SLC7A8: variants seen among roughly 807,000 people sequenced by gnomAD.
SLC7A8 encodes the protein solute carrier family 7 member 8.
Under a neutral mutation model 51.2 loss-of-function variants are expected in SLC7A8, and 30 were observed. The ratio of observed to expected loss-of-function variants is 0.59; its 90% CI spans 0.44 to 0.80. The LOEUF is 0.80. SLC7A8 is among the 30% of genes least tolerant of loss of function. The pLI, the probability that SLC7A8 is intolerant of heterozygous loss-of-function variation, is 0.00. For synonymous variants in SLC7A8, 257 were observed against 275.8 expected (o/e 0.93, Z 0.67); for missense variants, 612 against 674.4 (o/e 0.91, Z 1.03).
Position 23,165,334 on chromosome 14 carries a change from G to C in SLC7A8, c.459C>G (p.Thr153=), listed in dbSNP as rs2048943958. ...GAAGGCCAGACTCTGGGGGGAAGCA[G>C]GTGGGGAAGAGCGGCTGCAGCACGT... is the stretch of plus-strand genomic sequence containing the variant. ...SNYVLQPLFP[T]CFPPESGLRL... is the part of the protein sequence containing the mutation. Residue 153 remains threonine (T), a synonymous_variant, in exon 3 of 11, where the codon ACC becomes ACG. Transcript: ENST00000316902. The surrounding 1 kb of genome is among the most constrained non-coding windows in gnomAD (Gnocchi z 4.2). 1.2e-6 allele frequency: 2 copies of C among 1,606,696 alleles called. No homozygotes were observed. The highest frequency in any genetic ancestry group is 2.2e-5 in the South Asian group (2 of 90,168).
At chr14:23,155,378 C>T (rs1449547355) in intron 3 of SLC7A8, 17 of 1,495,754 alleles carry the variant, frequency 1.1e-5, no homozygotes, top group Non-Finnish European at 1.4e-5. Context: ...TCCTCCCTTC[C>T]TGGCTCTCTC....
chr14:23,179,633 C>T lies in SLC7A8; in HGVS notation c.151+3131G>A, dbSNP rs533394795. Among the ~76,000 whole-genome samples, 8 of 151,948 alleles carry T rather than the reference C, an allele frequency of 5.3e-5. No homozygotes were observed. The South Asian group carries it at 1.5e-3, about 28-fold the overall frequency. On this transcript the variant is annotated intron_variant, in intron 1 of 10. Coordinates refer to ENST00000316902, the MANE Select transcript of SLC7A8 (RefSeq NM_012244.4). ...GACCAGCCTGGGCGATACAGTGAGA[C>T]CCTGTTTCTACAAGAAAAAATTTAA...
chr14:23,175,381 G>A (rs893358637), intron 1 of SLC7A8, among the ~76,000 whole-genome samples: 10 of 152,262 alleles, frequency 6.6e-5, no homozygotes, highest in African/African-American at 2.4e-4. Context: ...GCTAATTTTT[G>A]TATTTTTAGT....
At chr14:23,149,616 G>C (rs949457008) in intron 3 of SLC7A8, among the ~76,000 whole-genome samples, 2 of 152,170 alleles carry the variant, frequency 1.3e-5, no homozygotes, top group African/African-American at 4.8e-5. Context: ...CTTCACATCA[G>C]AGGGGACAGA....
intron 2 of SLC7A8, 93 bp downstream of exon 2, chr14:23,166,243 A>C: frequency 2.2e-6 from 3 of 1,383,092 alleles, no homozygotes; most frequent in South Asian, 2.5e-5. Flanking sequence ...GGAGACTGGA[A>C]ACCCCTGGCC....
chr14:23,174,111 C>T (rs187667533), intron 1 of SLC7A8, among the ~76,000 whole-genome samples: 16 of 152,276 alleles, frequency 1.1e-4, no homozygotes, highest in Non-Finnish European at 1.6e-4. Context: ...TATGGCATGC[C>T]GATGCAAATC....
chr14:23,143,007 G>A (rs2048758974), intron 4 of SLC7A8, 72 bp downstream of exon 4: 2 of 1,570,560 alleles, frequency 1.3e-6, no homozygotes, highest in Non-Finnish European at 8.7e-7. Context: ...TACTTCCAAA[G>A]CTGGGCTGAG....
At chr14:23,156,915 C>G (rs1331571811) in intron 3 of SLC7A8, among the ~76,000 whole-genome samples, 2 of 152,204 alleles carry the variant, frequency 1.3e-5, no homozygotes, top group African/African-American at 2.4e-5. Context: ...CTATGGGAAT[C>G]AGGAAAGAGG....
chr14:23,151,397 C>T (rs377471648), intron 3 of SLC7A8, among the ~76,000 whole-genome samples: 4 of 152,216 alleles, frequency 2.6e-5, no homozygotes, highest in Non-Finnish European at 2.9e-5. Flanking sequence ...GCAAGTGCCC[C>T]GGATGCCAGA....
intron 3 of SLC7A8, among the ~76,000 whole-genome samples, chr14:23,158,048 G>GTA (rs2048903160): frequency 6.6e-6 from 1 of 152,212 alleles, no homozygotes; most frequent in Admixed American, 6.5e-5. Context: ...GGTGGGTGTA[G>GTA]TATAATATGT....
chr14:23,125,621 A>G lies in SLC7A8; in HGVS notation c.*1556T>C, dbSNP rs1192720038. The G allele has an allele frequency of 1.3e-5, 2 of 152,706 alleles. No homozygotes were observed. The highest frequency in any genetic ancestry group is 2.9e-5 in the Non-Finnish European group (2 of 68,096). 9.5% of individuals were successfully genotyped at this position (152,706 alleles called of 1,614,324 possible). A position where few individuals can be genotyped will look rare whatever the true frequency, so the allele number is the denominator to read the frequency against. ...CGGGCATCTACTCTGAAGGGGTCACAACTCAGACCAAACTTGGCATCTCAC... is the reference window on the plus strand; with the variant it reads ...CGGGCATCTACTCTGAAGGGGTCACGACTCAGACCAAACTTGGCATCTCAC... On this transcript the variant is annotated 3_prime_UTR_variant, in exon 11 of 11. Transcript: ENST00000316902.
chr14:23,179,938 C>T lies in SLC7A8; in HGVS notation c.151+2826G>A, dbSNP rs189171396. Among the ~76,000 whole-genome samples, 1,062 of 145,794 alleles carry T rather than the reference C, an allele frequency of 7.3e-3. 19 individuals are homozygous for T. Among genetic ancestry groups the T allele is most frequent in the Admixed American group, 0.038 (559 of 14,672 alleles). ...TTTTTTTTTTTGAGATGGAGTCTCA[C>T]TCTGTCACCCAGACTGGAGTGCAGT... On this transcript the variant is annotated intron_variant, in intron 1 of 10. Coordinates refer to ENST00000316902, the MANE Select transcript of SLC7A8 (RefSeq NM_012244.4).
intron 3 of SLC7A8, among the ~76,000 whole-genome samples, chr14:23,164,673 G>C (rs1160622621): frequency 1.3e-5 from 2 of 151,876 alleles, no homozygotes; most frequent in Non-Finnish European, 2.9e-5. Context: ...CACACTTGTA[G>C]GAAATTGAAA....
At chr14:23,129,834 A>C (rs1423341724) in intron 8 of SLC7A8, 35 bp from the exon 9 acceptor site, 1 of 1,611,324 alleles carries the variant, frequency 6.2e-7, no homozygotes, top group East Asian at 2.2e-5. Context: ...AGTGATCCGA[A>C]AGATATTCAG....
chr14:23,129,805 A>C lies in SLC7A8; in HGVS notation c.1114-6T>G. The C allele has an allele frequency of 8.1e-6, 13 of 1,613,984 alleles. No homozygotes were observed. The highest frequency in any genetic ancestry group is 2.7e-5 in the African/African-American group (2 of 75,046). On this transcript the variant is annotated splice_polypyrimidine_tract_variant and splice_region_variant and intron_variant, in intron 8 of 10. Transcript: ENST00000316902. The stretch of plus-strand genomic sequence containing the variant: ...ATCAGCAGGGTGGAGATGCACTGGG[A>C]AAGTGGGAGGAGCTCATCAGTGATC...
intron 3 of SLC7A8, among the ~76,000 whole-genome samples, chr14:23,161,467 CAT>C (rs750080072): frequency 9.8e-5 from 13 of 132,634 alleles, no homozygotes; most frequent in Non-Finnish European, 3.4e-5. Context: ...TCCCCATGTG[CAT>C]ATGTTTACGC....
intron 1 of SLC7A8, among the ~76,000 whole-genome samples, chr14:23,170,278 T>G (rs1323893665): frequency 6.6e-6 from 1 of 152,228 alleles, no homozygotes; most frequent in Admixed American, 6.5e-5. Context: ...GATTCCATGC[T>G]GCCTCCCCTC....
chr14:23,178,381 A>G (rs1437006998), intron 1 of SLC7A8, among the ~76,000 whole-genome samples: 1 of 152,174 alleles, frequency 6.6e-6, no homozygotes, highest in Non-Finnish European at 1.5e-5. Flanking sequence ...AGGTTAGGAC[A>G]AGGATGATGT....
intron 3 of SLC7A8, among the ~76,000 whole-genome samples, chr14:23,149,208 T>C (rs1348969657): frequency 6.6e-6 from 1 of 152,220 alleles, no homozygotes; most frequent in Non-Finnish European, 1.5e-5. Flanking sequence ...TCCTATTTCC[T>C]CTTCCTCCAT....
Sources: gnomAD v4.1 joint callset for allele counts (sites outside exome capture counted in the v4.1 genomes callset) on GRCh38, gnomAD v4.1.1 for gene constraint, Gnocchi (gnomAD v3.1) non-coding constraint, MANE v1.5 for transcripts, NCBI Gene and HGNC (gene_info 2026-07-23, HGNC 2026-07-21) for gene names.